Variants in PTAFR observed in about 807,000 individuals in gnomAD.
The protein encoded by PTAFR is platelet activating factor receptor.
A neutral mutation model predicts 14.7 loss-of-function variants in PTAFR; 8 were observed. The ratio of observed to expected loss-of-function variants is 0.54; its 90% CI spans 0.32 to 0.98. The LOEUF (loss-of-function observed/expected upper bound fraction) is 0.98, where lower values mean the gene tolerates loss of function less well. Ranked by LOEUF, PTAFR falls within the 50% of genes least tolerant of loss-of-function variation. PTAFR has a pLI of 0.04. For synonymous variants in PTAFR, 156 were observed against 176.5 expected (o/e 0.88, Z 0.92); for missense variants, 337 against 451.2 (o/e 0.75, Z 2.29).
intron 1 of PTAFR, among the ~76,000 whole-genome samples, chr1:28,153,759 G>T (rs1646225302): frequency 2.0e-5 from 3 of 151,624 alleles, no homozygotes; most frequent in East Asian, 1.9e-4. Context: ...GTGGTGGTGG[G>T]TGCCTGTAGT....
intron 1 of PTAFR, among the ~76,000 whole-genome samples, chr1:28,168,063 A>G (rs1383754198): frequency 8.0e-6 from 1 of 125,782 alleles, no homozygotes; most frequent in Non-Finnish European, 1.6e-5. Context: ...GGTTCACGCC[A>G]TTCTCCCGCC....
At chr1:28,167,073 CA>C (rs1403333944) in intron 1 of PTAFR, among the ~76,000 whole-genome samples, 9 of 152,130 alleles carry the variant, frequency 5.9e-5, no homozygotes, top group African/African-American at 1.9e-4. Flanking sequence ...GATATGACAC[CA>C]AAAGCACAGG....
chr1:28,170,067 T>C (rs1443827379), intron 1 of PTAFR, among the ~76,000 whole-genome samples: 1 of 151,996 alleles, frequency 6.6e-6, no homozygotes, highest in Non-Finnish European at 1.5e-5. Context: ...TTGGCTATTG[T>C]TACTCTTACT....
Position 28,147,665 on chromosome 1 carries a change from TA to T in PTAFR, c.*2327del. 1 of 152,070 alleles carries T rather than the reference TA, an allele frequency of 6.6e-6. No homozygotes were observed. Among genetic ancestry groups the T allele is most frequent in the East Asian group, 1.9e-4 (1 of 5,194 alleles). The allele number at this position is 152,070 out of a possible 1,614,324, so 9.4% of individuals were successfully genotyped here. A position where few individuals can be genotyped will look rare whatever the true frequency, so the allele number is the denominator to read the frequency against. ...ACCTGCAAAGCCTGAACAGCCTCCCTAAATCTAGATGCCCACCTCTCATCCT... is the reference window on the plus strand; with the variant it reads ...ACCTGCAAAGCCTGAACAGCCTCCCTAATCTAGATGCCCACCTCTCATCCT... On this transcript the variant is annotated 3_prime_UTR_variant, in exon 2 of 2. Coordinates refer to ENST00000373857, the MANE Select transcript of PTAFR (RefSeq NM_000952.5).
intron 1 of PTAFR, among the ~76,000 whole-genome samples, chr1:28,176,331 T>C (rs1447238500): frequency 6.7e-6 from 1 of 150,092 alleles, no homozygotes; most frequent in African/African-American, 2.5e-5. Flanking sequence ...TAGTCCCAGA[T>C]ACTCGGGAGG....
At chr1:28,192,388 C>T (rs556760187) in intron 1 of PTAFR, among the ~76,000 whole-genome samples, 7 of 151,622 alleles carry the variant, frequency 4.6e-5, no homozygotes, top group Admixed American at 3.3e-4. Flanking sequence ...GGAGAAACCC[C>T]GTCTCTACAA....
chr1:28,175,421 C>T (rs543165428), intron 1 of PTAFR, among the ~76,000 whole-genome samples: 1 of 152,030 alleles, frequency 6.6e-6, no homozygotes, highest in Admixed American at 6.6e-5. Context: ...TTCTCTAGCA[C>T]TCCCCAACAC....
At chr1:28,181,092 CCCT>C (rs1341695861), upstream of PTAFR, among the ~76,000 whole-genome samples, 3 of 152,124 alleles carry the variant, frequency 2.0e-5, no homozygotes, top group Admixed American at 6.5e-5. Context: ...AAGCAATCCG[CCCT>C]CCTCCGCCTT....
chr1:28,189,751 C>T lies in PTAFR; in HGVS notation c.-39+3971G>A, dbSNP rs539130057. 5.3e-4 allele frequency among the ~76,000 whole-genome samples: 80 copies of T among 151,732 alleles called. 1 individual carries two copies. Among genetic ancestry groups the T allele is most frequent in the Admixed American group, 1.8e-3 (28 of 15,242 alleles). On this transcript the variant is annotated intron_variant, in intron 1 of 1. Transcript: ENST00000305392. ...CATGATCTTGGCTCACTGCAACCTCCACCTCCTGGGCTCAAGGCGTCCTCC... is the reference window on the plus strand; with the variant it reads ...CATGATCTTGGCTCACTGCAACCTCTACCTCCTGGGCTCAAGGCGTCCTCC...
Position 28,150,808 on chromosome 1 carries a change from G to T in PTAFR, c.214C>A (p.Leu72Ile), listed in dbSNP as rs1160567547. 6.2e-7 allele frequency: 1 copy of T among 1,614,210 alleles called. No homozygotes were observed. Among genetic ancestry groups the T allele is most frequent in the Non-Finnish European group, 8.5e-7 (1 of 1,180,040 alleles). Residue 72 changes from leucine (L) to isoleucine (I), a missense_variant, in exon 2 of 2, where the codon CTT (leucine) becomes ATT (isoleucine). Physicochemically the swap from Leu to Ile is conservative, Grantham distance 5. Coordinates refer to ENST00000373857, the MANE Select transcript of PTAFR (RefSeq NM_000952.5). This position sits in a 1 kb window ranked among gnomAD's most constrained non-coding sequence, Gnocchi z 6.3. ...TGGTTTTGGTAGTAGACAATCCAAAGTGGCAGGGTGATCAAGAAGAGCATG... is the reference window on the plus strand; with the variant it reads ...TGGTTTTGGTAGTAGACAATCCAAATTGGCAGGGTGATCAAGAAGAGCATG... ...ADMLFLITLP[L>I]WIVYYQNQGN...
intron 1 of PTAFR, among the ~76,000 whole-genome samples, chr1:28,184,793 C>T (rs1318704360): frequency 1.3e-5 from 2 of 152,090 alleles, no homozygotes; most frequent in African/African-American, 4.8e-5. Context: ...GCGTGCACCA[C>T]CACACCTAGC....
rs1445284438 is a variant in PTAFR at position 28,150,506 on chromosome 1, G to A, written c.516C>T (p.Arg172=). Residue 172 remains arginine, a synonymous_variant, in exon 2 of 2, where the codon CGC becomes CGT. Coordinates refer to ENST00000373857, the MANE Select transcript of PTAFR (RefSeq NM_000952.5). The surrounding 1 kb of genome is among the most constrained non-coding windows in gnomAD (Gnocchi z 6.3). ...TGCCCTTCTCGTAATGCTCAAAGCAGCGAGTGACGTTGCCTGAGCCAGCAC... is the reference window on the plus strand; with the variant it reads ...TGCCCTTCTCGTAATGCTCAAAGCAACGAGTGACGTTGCCTGAGCCAGCAC... The part of the protein sequence containing the change: ...PDSAGSGNVT[R]CFEHYEKGSV... 6.2e-7 allele frequency: 1 copy of A among 1,614,262 alleles called. No individual in the cohort carries two copies.
At chr1:28,182,900 C>T (rs1324516016) in intron 1 of PTAFR, among the ~76,000 whole-genome samples, 3 of 152,098 alleles carry the variant, frequency 2.0e-5, no homozygotes, top group Non-Finnish European at 2.9e-5. Flanking sequence ...AGGCTAGTCT[C>T]GAACTCCTGA....
chr1:28,172,483 TC>T (rs1646463347), intron 1 of PTAFR, among the ~76,000 whole-genome samples: 1 of 152,186 alleles, frequency 6.6e-6, no homozygotes, highest in East Asian at 1.9e-4. Context: ...GTCTGTTTCT[TC>T]CTTGCTGCGT....
chr1:28,157,630 A>ATTTTTTTT (rs1197395346), intron 1 of PTAFR, among the ~76,000 whole-genome samples: 1 of 131,140 alleles, frequency 7.6e-6, no homozygotes. Context: ...ATTAATTTTG[A>ATTTTTTTT]TTTTTTTTTT....
chr1:28,150,997 T>A lies in PTAFR; in HGVS notation c.25A>T (p.Met9Leu), dbSNP rs777875752. 1 of 1,599,648 alleles carries A rather than the reference T, an allele frequency of 6.3e-7. No individual in the cohort carries two copies. Among genetic ancestry groups the A allele is most frequent in the South Asian group, 1.1e-5 (1 of 88,850 alleles). MEPHDSSH[M>L]DSEFRYTLFP... is the part of the protein sequence containing the mutation. ...AGAGTGTATCGGAACTCAGAGTCCATGTGGGAGGAGTCATGTGGCTCCATT... is the reference window on the plus strand; with the variant it reads ...AGAGTGTATCGGAACTCAGAGTCCAAGTGGGAGGAGTCATGTGGCTCCATT... Residue 9 changes from methionine (M) to leucine (L), a missense_variant, in exon 2 of 2, where the codon ATG becomes TTG. Met to Leu is a conservative substitution (Grantham distance 15). Transcript: ENST00000373857. The surrounding 1 kb of genome is among the most constrained non-coding windows in gnomAD (Gnocchi z 6.3).
intron 1 of PTAFR, among the ~76,000 whole-genome samples, chr1:28,154,202 C>G (rs1025515627): frequency 6.6e-6 from 1 of 151,780 alleles, no homozygotes; most frequent in African/African-American, 2.4e-5. Flanking sequence ...ATTTGAGTCT[C>G]ACACAAACAC....
At chr1:28,151,266 G>C (rs1452978871) in intron 1 of PTAFR, among the ~76,000 whole-genome samples, 1 of 151,158 alleles carries the variant, frequency 6.6e-6, no homozygotes, top group East Asian at 1.9e-4. Flanking sequence ...CGCAACCTCC[G>C]CCTCCCGGGT....
intron 1 of PTAFR, among the ~76,000 whole-genome samples, chr1:28,187,542 G>A (rs1282074536): frequency 2.0e-5 from 3 of 152,048 alleles, no homozygotes; most frequent in Non-Finnish European, 2.9e-5. Flanking sequence ...AGTCTCGCTC[G>A]TCACCCAAGC....
Sources: allele counts gnomAD v4.1 joint callset (sites outside exome capture counted in the v4.1 genomes callset), GRCh38; gene constraint gnomAD v4.1.1; non-coding constraint Gnocchi (gnomAD v3.1); transcripts MANE v1.5; gene names NCBI Gene and HGNC (gene_info 2026-07-23, HGNC 2026-07-21).